Variants in SV2C observed in about 807,000 individuals in gnomAD.
SV2C encodes synaptic vesicle glycoprotein 2C.
A neutral mutation model predicts 79.7 loss-of-function variants in SV2C; 49 were observed. The ratio of observed to expected loss-of-function variants is 0.61; its 90% CI spans 0.49 to 0.78. The LOEUF is 0.78. Ranked by LOEUF, SV2C falls within the 30% of genes least tolerant of loss-of-function variation. The pLI, the probability that SV2C is intolerant of heterozygous loss-of-function variation, is 0.00. For synonymous variants in SV2C, 334 were observed against 333.2 expected (o/e 1.00, Z -0.03); for missense variants, 833 against 912.9 (o/e 0.91, Z 1.13).
intron 1 of SV2C, among the ~76,000 whole-genome samples, chr5:76,125,097 G>A (rs1446610293): frequency 2.0e-5 from 3 of 152,160 alleles, no homozygotes; most frequent in African/African-American, 7.2e-5. Flanking sequence ...ATTCTTCATA[G>A]AGCAAATTAA....
the SV2C span, among the ~76,000 whole-genome samples, chr5:76,004,239 G>A: frequency 6.6e-5 from 10 of 152,106 alleles, no homozygotes; most frequent in Non-Finnish European, 5.9e-5. Context: ...AGCCAGATCC[G>A]TTTCTTAACA....
the SV2C span, among the ~76,000 whole-genome samples, chr5:75,916,114 G>A: frequency 6.6e-6 from 1 of 152,156 alleles, no homozygotes; most frequent in East Asian, 1.9e-4. Context: ...TAATAAGAAT[G>A]AAAACACCTC....
chr5:76,260,381 G>T (rs145800450), intron 4 of SV2C, among the ~76,000 whole-genome samples: 2 of 151,972 alleles, frequency 1.3e-5, no homozygotes, highest in Non-Finnish European at 2.9e-5. Context: ...ATTTTCTCCC[G>T]TTCTGTAGGT....
the SV2C span, among the ~76,000 whole-genome samples, chr5:75,888,868 C>T: frequency 4.6e-5 from 7 of 152,102 alleles, no homozygotes; most frequent in African/African-American, 1.7e-4. Context: ...CTTAACAAAG[C>T]GTCACAGACT....
the SV2C span, among the ~76,000 whole-genome samples, chr5:75,899,893 G>A: frequency 6.6e-6 from 1 of 151,980 alleles, no homozygotes; most frequent in Non-Finnish European, 1.5e-5. Flanking sequence ...TGCAACCCCT[G>A]CCTTTTTTTG....
intron 1 of SV2C, among the ~76,000 whole-genome samples, chr5:76,100,363 C>T (rs951483941): frequency 6.6e-6 from 1 of 152,300 alleles, no homozygotes; most frequent in Admixed American, 6.5e-5. Flanking sequence ...TTAAAGAGCA[C>T]TCTTTCCTAT....
chr5:76,198,692 C>T (rs1219863967), intron 3 of SV2C, among the ~76,000 whole-genome samples: 1 of 152,174 alleles, frequency 6.6e-6, no homozygotes, highest in African/African-American at 2.4e-5. Context: ...CTTTTGCTTG[C>T]TTTGTGAAAT....
chr5:76,183,192 T>A (rs1743807096), intron 2 of SV2C, among the ~76,000 whole-genome samples: 1 of 151,292 alleles, frequency 6.6e-6, no homozygotes, highest in Non-Finnish European at 1.5e-5. Flanking sequence ...CCTGGCTAAT[T>A]TTTTGTATTT....
chr5:75,923,817 A>G, the SV2C span, among the ~76,000 whole-genome samples: 1 of 152,242 alleles, frequency 6.6e-6, no homozygotes, highest in Non-Finnish European at 1.5e-5. Context: ...CTAGGAATGT[A>G]AATCAGTACA....
chr5:76,013,255 A>G, the SV2C span, among the ~76,000 whole-genome samples: 1 of 152,072 alleles, frequency 6.6e-6, no homozygotes, highest in Non-Finnish European at 1.5e-5. Flanking sequence ...ATGTTTTTCC[A>G]TTTGTTTGTG....
chr5:76,041,300 C>T, the SV2C span, among the ~76,000 whole-genome samples: 1 of 152,344 alleles, frequency 6.6e-6, no homozygotes, highest in Admixed American at 6.5e-5. Context: ...CTCACACAGT[C>T]AGCTCCTTCT....
the SV2C span, among the ~76,000 whole-genome samples, chr5:75,980,427 G>T: frequency 2.6e-5 from 4 of 151,928 alleles, no homozygotes; most frequent in African/African-American, 9.7e-5. Flanking sequence ...AAAACTTCAG[G>T]CCAATATCCT....
At chr5:76,153,956 C>T (rs1269915130) in intron 2 of SV2C, among the ~76,000 whole-genome samples, 1 of 152,146 alleles carries the variant, frequency 6.6e-6, no homozygotes, top group Non-Finnish European at 1.5e-5. Flanking sequence ...ATCCTCAGTT[C>T]CTAATCAAGG....
chr5:76,279,917 C>G (rs1164658561), intron 4 of SV2C, among the ~76,000 whole-genome samples: 1 of 152,004 alleles, frequency 6.6e-6, no homozygotes, highest in Non-Finnish European at 1.5e-5. Flanking sequence ...GCTCCACCGC[C>G]CATGTGAGCA....
At chr5:76,053,676 T>C in the SV2C span, among the ~76,000 whole-genome samples, 1 of 152,200 alleles carries the variant, frequency 6.6e-6, no homozygotes, top group Non-Finnish European at 1.5e-5. Context: ...GTTTGGATTT[T>C]AGGCAACTCA....
chr5:76,335,752 C>G (rs1198467822), downstream of SV2C, among the ~76,000 whole-genome samples: 1 of 152,144 alleles, frequency 6.6e-6, no homozygotes, highest in African/African-American at 2.4e-5. Context: ...GGTCACAGAT[C>G]AACAGGATCA....
At chr5:75,902,992 A>G in the SV2C span, among the ~76,000 whole-genome samples, 1 of 152,220 alleles carries the variant, frequency 6.6e-6, no homozygotes, top group Non-Finnish European at 1.5e-5. Flanking sequence ...TGTTAGAGCT[A>G]ATCTTCATAA....
At chr5:76,195,214 A>G in intron 3 of SV2C, 115 bp downstream of exon 3, 2 of 1,092,276 alleles carry the variant, frequency 1.8e-6, no homozygotes, top group Non-Finnish European at 1.3e-6. Flanking sequence ...CCATATCCTC[A>G]TGTCAGCCCT....
In SV2C at chr5:76,229,644, G is replaced by A. The variant is rs140718411; in HGVS notation, c.913+19757G>A. On this transcript the variant is annotated intron_variant, in intron 4 of 12. Transcript: ENST00000502798. ...GCCCCTACCATTTCCTGTTTAGACAGGGCAAGATGGCACCCAGCAGAGGAG... is the reference window on the plus strand; with the variant it reads ...GCCCCTACCATTTCCTGTTTAGACAAGGCAAGATGGCACCCAGCAGAGGAG... 7.2e-5 allele frequency among the ~76,000 whole-genome samples: 11 copies of A among 152,338 alleles called. No homozygotes were observed. The South Asian group carries it at 1.4e-3, about 20-fold the overall frequency.
Sources: allele counts gnomAD v4.1 joint callset (sites outside exome capture counted in the v4.1 genomes callset), GRCh38; gene constraint gnomAD v4.1.1; transcripts MANE v1.5; gene names NCBI Gene and HGNC (gene_info 2026-07-23, HGNC 2026-07-21).